RPE: variants seen among roughly 807,000 people sequenced by gnomAD.
The protein encoded by RPE is ribulose-phosphate 3-epimerase.
RPE carries 16 observed loss-of-function variants against 24.6 expected under a neutral mutation model. That is an observed-to-expected ratio of 0.65 (90% CI 0.44 to 0.99). The LOEUF (loss-of-function observed/expected upper bound fraction) is 0.99. Among genes scored for constraint, RPE ranks in the 50% least tolerant of loss-of-function variants. The probability of loss-of-function intolerance (pLI) is 0.00; values close to 1 mark genes in which losing one functional copy is unlikely to be tolerated. For synonymous variants in RPE, 93 were observed against 98.4 expected (o/e 0.94, Z 0.33); for missense variants, 240 against 294.5 (o/e 0.81, Z 1.35).
chr2:210,017,386 G>T, intron 4 of RPE, 87 bp from the exon 5 acceptor site: 2 of 1,056,114 alleles, frequency 1.9e-6, no homozygotes, highest in South Asian at 1.4e-5. Context: ...ATTTGCTGTT[G>T]GATTTTTTTG....
intron 1 of RPE, among the ~76,000 whole-genome samples, chr2:210,004,952 A>G (rs1200696324): frequency 6.6e-6 from 1 of 152,214 alleles, no homozygotes; most frequent in Non-Finnish European, 1.5e-5. Flanking sequence ...TTTGGTTTGG[A>G]AAAACTGAAT....
At chr2:210,015,657 C>G (rs564779334) in intron 2 of RPE, among the ~76,000 whole-genome samples, 1 of 152,220 alleles carries the variant, frequency 6.6e-6, no homozygotes, top group Non-Finnish European at 1.5e-5. Context: ...GATAGTATGA[C>G]TTATTCTTTA....
At chr2:210,016,484 T>G in intron 3 of RPE, 23 bp from the exon 4 acceptor site, 2 of 1,614,152 alleles carry the variant, frequency 1.2e-6, no homozygotes, top group Non-Finnish European at 1.7e-6. Context: ...AAATGTGATA[T>G]AGCATATTTG....
chr2:210,015,462 A>G (rs2093758507), intron 2 of RPE, among the ~76,000 whole-genome samples: 1 of 151,982 alleles, frequency 6.6e-6, no homozygotes, highest in African/African-American at 2.4e-5. Flanking sequence ...TGTGCATTTT[A>G]CTTACTTATT....
At chr2:210,018,751 A>G (rs1373553839) in intron 5 of RPE, 2 of 964,872 alleles carry the variant, frequency 2.1e-6, no homozygotes, top group Non-Finnish European at 2.5e-6. Context: ...GACCTTGGCG[A>G]TGACCTTAAA....
intron 5 of RPE, chr2:210,018,685 A>G: frequency 3.0e-6 from 3 of 985,342 alleles, no homozygotes; most frequent in Non-Finnish European, 3.6e-6. Context: ...GTGCTTTGCC[A>G]GTATACTATT....
At chr2:210,009,158 T>A (rs1382534714) in intron 1 of RPE, among the ~76,000 whole-genome samples, 1 of 152,202 alleles carries the variant, frequency 6.6e-6, no homozygotes, top group Non-Finnish European at 1.5e-5. Flanking sequence ...TAGTAAACCC[T>A]CGGTGAAAGG....
At chr2:210,002,814 C>T (rs1385551071) in intron 1 of RPE, 31 bp downstream of exon 1, 3 of 1,614,060 alleles carry the variant, frequency 1.9e-6, no homozygotes. Context: ...TCGGGCTTGC[C>T]GCGCGGCGGG....
At chr2:210,017,365 T>A in intron 4 of RPE, 108 bp from the exon 5 acceptor site, 1 of 814,398 alleles carries the variant, frequency 1.2e-6, no homozygotes, top group Admixed American at 2.3e-5. Context: ...ATTGGAGTTT[T>A]AATTGCTAAT....
At chr2:210,019,539 A>T in intron 5 of RPE, 130 bp from the exon 6 acceptor site, 2 of 1,098,148 alleles carry the variant, frequency 1.8e-6, no homozygotes, top group Non-Finnish European at 2.5e-6. Flanking sequence ...AAGTCTGCTT[A>T]ATCTCAAAGT....
rs1377020787 is a variant in RPE at position 210,022,070 on chromosome 2, GTCTTC to G, written c.*2285_*2289del. 6.8e-6 allele frequency: 1 copy of G among 146,620 alleles called. No homozygotes were observed. The highest frequency in any genetic ancestry group is 1.5e-5 in the Non-Finnish European group (1 of 67,164). 9.1% of individuals were successfully genotyped at this position (146,620 alleles called of 1,614,324 possible). A position where few individuals can be genotyped will look rare whatever the true frequency, so the allele number is the denominator to read the frequency against. On this transcript the variant is annotated 3_prime_UTR_variant, in exon 6 of 6. Coordinates refer to ENST00000359429, the MANE Select transcript of RPE (RefSeq NM_199229.3). Reference sequence around the variant, plus strand: ...GTTTGTGGCTCATTTTAAAACTGGTGTCTTCTCTTCATGAGACACATTAATTGGTA... The same window carrying G: ...GTTTGTGGCTCATTTTAAAACTGGTGTCTTCATGAGACACATTAATTGGTA...
At position 210,021,275 on chromosome 2, in the gene RPE, A is replaced by T. The variant is rs1330136636; in HGVS notation, c.*1484A>T. On this transcript the variant is annotated 3_prime_UTR_variant, in exon 6 of 6. Coordinates refer to ENST00000359429, the MANE Select transcript of RPE (RefSeq NM_199229.3). ...TTTTGAGAAATAAGGTTCAAAAAAT[A>T]AGAATGCTAACACTTAAGCACAGAC... The T allele has an allele frequency of 2.0e-5, 3 of 152,142 alleles. No homozygotes were observed. The highest frequency in any genetic ancestry group is 2.9e-5 in the Non-Finnish European group (2 of 67,972). 9.4% of individuals were successfully genotyped at this position (152,142 alleles called of 1,614,324 possible). A position where few individuals can be genotyped will look rare whatever the true frequency, so the allele number is the denominator to read the frequency against.
intron 3 of RPE, 79 bp downstream of exon 3, chr2:210,016,191 T>C (rs763917398): frequency 2.5e-6 from 4 of 1,613,944 alleles, no homozygotes; most frequent in Middle Eastern, 1.6e-4. Flanking sequence ...AATTTTCTCT[T>C]TTTTTGATAC....
intron 2 of RPE, among the ~76,000 whole-genome samples, chr2:210,011,312 A>G (rs1227595819): frequency 6.6e-6 from 1 of 152,226 alleles, no homozygotes; most frequent in Non-Finnish European, 1.5e-5. Context: ...CATGAGAGGT[A>G]GATGAAATAA....
Position 210,016,491 on chromosome 2 carries a change from T to C in RPE, c.343-16T>C, listed in dbSNP as rs2093774108. ...GTAATTGTAAATGTGATATAGCATATTTGTGTCTGTTACAGGTTGGCCTTG... is the reference window on the plus strand; with the variant it reads ...GTAATTGTAAATGTGATATAGCATACTTGTGTCTGTTACAGGTTGGCCTTG... On this transcript the variant is annotated splice_polypyrimidine_tract_variant and intron_variant, in intron 3 of 5. Transcript: ENST00000359429. The C allele has an allele frequency of 6.2e-7, 1 of 1,614,082 alleles. No homozygotes were observed.
At chr2:210,013,070 C>CTAAG (rs761303626) in intron 2 of RPE, among the ~76,000 whole-genome samples, 5 of 152,166 alleles carry the variant, frequency 3.3e-5, no homozygotes, top group Non-Finnish European at 5.9e-5. Context: ...ATAGGCTAGG[C>CTAAG]TAAGCTATGA....
At chr2:210,006,903 T>C (rs1202760407) in intron 1 of RPE, among the ~76,000 whole-genome samples, 1 of 152,028 alleles carries the variant, frequency 6.6e-6, no homozygotes, top group Non-Finnish European at 1.5e-5. Context: ...TCTGTTCCCA[T>C]CCACCTTATG....
intron 5 of RPE, 195 bp downstream of exon 5, chr2:210,017,754 T>TC: frequency 3.2e-6 from 2 of 629,012 alleles, no homozygotes; most frequent in East Asian, 5.8e-5. Context: ...TTTTTTTTTT[T>TC]TTCTTTTTCT....
intron 5 of RPE, among the ~76,000 whole-genome samples, chr2:210,018,984 C>G (rs1191828455): frequency 2.0e-5 from 3 of 152,150 alleles, no homozygotes; most frequent in Non-Finnish European, 2.9e-5. Flanking sequence ...CCTCTTTGTT[C>G]TAGCAATGAA....
Sources: gnomAD v4.1 joint callset for allele counts (sites outside exome capture counted in the v4.1 genomes callset) on GRCh38, gnomAD v4.1.1 for gene constraint, MANE v1.5 for transcripts, NCBI Gene and HGNC (gene_info 2026-07-23, HGNC 2026-07-21) for gene names.